The following KIFAP3 variants were observed in gnomAD, a reference collection of about 807,000 sequenced individuals.
KIFAP3 encodes kinesin-associated protein 3.
A neutral mutation model predicts 106.5 loss-of-function variants in KIFAP3; 68 were observed. The ratio of observed to expected loss-of-function variants is 0.64; its 90% confidence interval spans 0.53 to 0.78. The LOEUF is 0.78. Among genes scored for constraint, KIFAP3 ranks in the 30% least tolerant of loss-of-function variants. The pLI is 0.00. For synonymous variants in KIFAP3, 320 were observed against 311.5 expected, an observed-to-expected ratio of 1.03 and a Z score of -0.29; for missense variants, 780 against 941.8, an observed-to-expected ratio of 0.83 and a Z score of 2.25.
intron 9 of KIFAP3, among the ~76,000 whole-genome samples, chr1:170,023,891 T>C (rs1329735035): frequency 6.6e-6 from 1 of 152,060 alleles, no homozygotes. Flanking sequence ...AGGGTATCAA[T>C]TAATACAATG....
At chr1:170,043,841 T>A (rs1670105459) in intron 3 of KIFAP3, among the ~76,000 whole-genome samples, 1 of 152,180 alleles carries the variant, frequency 6.6e-6, no homozygotes, top group African/African-American at 2.4e-5. Flanking sequence ...GGGGTTGAAA[T>A]AAAGGCCTTA....
Position 169,953,911 on chromosome 1 carries a change from C to G in KIFAP3, c.2273+100G>C, listed in dbSNP as rs977482388. On this transcript the variant is annotated intron_variant, in intron 19 of 19. Transcript: ENST00000361580. The stretch of plus-strand genomic sequence containing the variant: ...TGAAAAGATTGAGGGTTTTTTCCCC[C>G]CTCTTAATGAAAAAGAAGAGAAATG... The G allele has an allele frequency of 1.5e-5, 12 of 791,652 alleles. No individual in the cohort carries two copies. The African/African-American group carries it at 1.7e-4, about 11-fold the overall frequency. The allele number at this position is 791,652 out of a possible 1,614,324, so 49.0% of individuals were successfully genotyped here. A position where few individuals can be genotyped will look rare whatever the true frequency, so the allele number is the denominator to read the frequency against.
chr1:169,988,692 C>T (rs562401792), intron 11 of KIFAP3, among the ~76,000 whole-genome samples: 1 of 151,914 alleles, frequency 6.6e-6, no homozygotes, highest in African/African-American at 2.4e-5. Context: ...CATTTAATTT[C>T]TGACTTGTTT....
rs553086842 is a variant in KIFAP3 at position 169,947,530 on chromosome 1, G to A, written c.2273+6481C>T. ...GTCAAGAACAAAGTGTAAATAAAATGTATGACAGTGACTTGCATTCAATGA... is the reference window on the plus strand; with the variant it reads ...GTCAAGAACAAAGTGTAAATAAAATATATGACAGTGACTTGCATTCAATGA... On this transcript the variant is annotated intron_variant, in intron 19 of 19. Transcript: ENST00000361580. 5.9e-5 allele frequency among the ~76,000 whole-genome samples: 9 copies of A among 151,972 alleles called. No individual in the cohort carries two copies. In the South Asian group the frequency reaches 1.0e-3, roughly 18 times the overall value.
intron 3 of KIFAP3, among the ~76,000 whole-genome samples, chr1:170,044,081 T>C (rs1284689827): frequency 6.6e-6 from 1 of 151,826 alleles, no homozygotes; most frequent in East Asian, 1.9e-4. Flanking sequence ...CAGGAGAGGG[T>C]AAAATGGTCT....
At position 170,055,698 on chromosome 1, in the gene KIFAP3, A is replaced by C. The variant is rs74122309; in HGVS notation, c.33-262T>G. Among the ~76,000 whole-genome samples, 979 of 152,274 alleles carry C rather than the reference A, an allele frequency of 6.4e-3. 16 individuals are homozygous for C. Among genetic ancestry groups the C allele is most frequent in the African/African-American group, 0.022 (917 of 41,550 alleles). On this transcript the variant is annotated intron_variant, in intron 1 of 19. Transcript: ENST00000361580. The stretch of plus-strand genomic sequence containing the variant: ...TCTTTATAAATAGTTCTACCTAAGA[A>C]AAAAAATACATTTACCAAAGAATCA...
intron 11 of KIFAP3, among the ~76,000 whole-genome samples, chr1:169,990,513 C>T (rs1667040138): frequency 1.3e-5 from 2 of 152,070 alleles, no homozygotes; most frequent in South Asian, 4.2e-4. Flanking sequence ...ATCATACATC[C>T]TACAATTTTT....
At chr1:169,982,267 A>T (rs2273457) in intron 14 of KIFAP3, among the ~76,000 whole-genome samples, 170 bp from the exon 15 acceptor site, 72,147 of 151,932 alleles carry the variant, frequency 0.47, 17,642 homozygotes, top group East Asian at 0.84. Flanking sequence ...ATGTTTGCTG[A>T]TGACAGTTTG....
chr1:170,059,248 C>T (rs964046240), intron 1 of KIFAP3, among the ~76,000 whole-genome samples: 3 of 151,996 alleles, frequency 2.0e-5, no homozygotes, highest in Admixed American at 2.0e-4. Flanking sequence ...ATCAACAAAA[C>T]TGATAGACTG....
intron 3 of KIFAP3, among the ~76,000 whole-genome samples, chr1:170,044,853 T>C (rs926456377): frequency 2.0e-5 from 3 of 152,166 alleles, no homozygotes; most frequent in African/African-American, 7.2e-5. Context: ...AACAATCTGT[T>C]TGGAAGTCTG....
At chr1:169,976,968 T>G (rs1666245673) in intron 16 of KIFAP3, among the ~76,000 whole-genome samples, 1 of 152,062 alleles carries the variant, frequency 6.6e-6, no homozygotes, top group East Asian at 1.9e-4. Flanking sequence ...CAAGTGATGC[T>G]CCCACCTCAG....
At position 170,046,941 on chromosome 1, in the gene KIFAP3, T is replaced by TAG. The variant is rs1670289322; in HGVS notation, c.165-76_165-75insCT. 5 of 787,992 alleles carry TAG rather than the reference T, an allele frequency of 6.3e-6. No individual in the cohort carries two copies. The South Asian group carries it at 2.0e-4, about 32-fold the overall frequency. 48.8% of individuals were successfully genotyped at this position (787,992 alleles called of 1,614,324 possible). A position where few individuals can be genotyped will look rare whatever the true frequency, so the allele number is the denominator to read the frequency against. ...TTCAATACTACTACTTTAAAATAATTTATAGATTATAAATTATTATAGAGA... is the reference window on the plus strand; with the variant it reads ...TTCAATACTACTACTTTAAAATAATTAGTATAGATTATAAATTATTATAGAGA... On this transcript the variant is annotated intron_variant, in intron 2 of 19. Transcript: ENST00000361580.
intron 9 of KIFAP3, among the ~76,000 whole-genome samples, chr1:170,018,225 G>A (rs1333476851): frequency 6.6e-6 from 1 of 152,076 alleles, no homozygotes; most frequent in African/African-American, 2.4e-5. Flanking sequence ...GCTGTCAATG[G>A]CTGCTTTCAC....
intron 19 of KIFAP3, among the ~76,000 whole-genome samples, chr1:169,922,302 G>T (rs986518241): frequency 2.6e-5 from 4 of 152,144 alleles, no homozygotes; most frequent in African/African-American, 7.2e-5. Flanking sequence ...ATGATTAAAA[G>T]AACAAGATAA....
chr1:170,066,205 G>T (rs1671439321), intron 1 of KIFAP3, among the ~76,000 whole-genome samples: 1 of 134,728 alleles, frequency 7.4e-6, no homozygotes, highest in Admixed American at 7.9e-5. Context: ...TGTTATAGCT[G>T]TCATATGCAT....
intron 9 of KIFAP3, among the ~76,000 whole-genome samples, chr1:170,017,992 A>G (rs12144417): frequency 0.28 from 42,455 of 152,172 alleles, 5,920 homozygotes; most frequent in South Asian, 0.33. Flanking sequence ...TGAAACTTTA[A>G]GACAGGGATC....
At chr1:170,057,175 G>A (rs1670896893) in intron 1 of KIFAP3, among the ~76,000 whole-genome samples, 1 of 152,094 alleles carries the variant, frequency 6.6e-6, no homozygotes, top group African/African-American at 2.4e-5. Context: ...GAAGAAAAGA[G>A]TAAGGATATA....
At chr1:169,922,258 A>ACT (rs1480068951) in intron 19 of KIFAP3, among the ~76,000 whole-genome samples, 1 of 152,162 alleles carries the variant, frequency 6.6e-6, no homozygotes, top group Non-Finnish European at 1.5e-5. Context: ...ATATCAGTGA[A>ACT]CTCTCATGCA....
chr1:170,059,566 C>G (rs1319896562), intron 1 of KIFAP3, among the ~76,000 whole-genome samples: 1 of 152,144 alleles, frequency 6.6e-6, no homozygotes, highest in Non-Finnish European at 1.5e-5. Flanking sequence ...GATGGATTCA[C>G]AGCCGAATTC....
Sources: gnomAD v4.1 joint callset for allele counts (sites outside exome capture counted in the v4.1 genomes callset) on GRCh38, gnomAD v4.1.1 for gene constraint, MANE v1.5 for transcripts, NCBI Gene and HGNC (gene_info 2026-07-23, HGNC 2026-07-21) for gene names.